The following AUTS2 variants were observed in gnomAD, a reference collection of about 807,000 sequenced individuals.
AUTS2 encodes the protein autism susceptibility gene 2 protein.
Under a neutral mutation model 112.4 loss-of-function variants are expected in AUTS2, and 17 were observed. The observed-to-expected ratio is 0.15, with a 90% CI of 0.10 to 0.23. The LOEUF (loss-of-function observed/expected upper bound fraction) is 0.23. AUTS2 is among the 10% of genes least tolerant of loss of function. AUTS2 has a pLI of 1.00. For synonymous variants in AUTS2, 751 were observed against 702.7 expected (o/e 1.07, Z -1.09); for missense variants, 1,510 against 1,701.6 (o/e 0.89, Z 1.98).
chr7:69,845,440 G>T (rs886479961), intron 1 of AUTS2, among the ~76,000 whole-genome samples: 2 of 152,066 alleles, frequency 1.3e-5, no homozygotes, highest in African/African-American at 4.8e-5. Flanking sequence ...AGAAACTTGG[G>T]GCTCTATTTT....
chr7:70,103,885 G>A (rs1434258130), intron 2 of AUTS2, among the ~76,000 whole-genome samples: 2 of 151,360 alleles, frequency 1.3e-5, no homozygotes, highest in Non-Finnish European at 1.5e-5. Flanking sequence ...ACTCCAGCCT[G>A]GGCAACAGAG....
chr7:70,508,105 C>A (rs1585232234), intron 5 of AUTS2, among the ~76,000 whole-genome samples: 2 of 152,162 alleles, frequency 1.3e-5, no homozygotes, highest in South Asian at 4.1e-4. Context: ...TGTGCAATTC[C>A]ATGGGGGTAG....
chr7:69,940,645 A>T (rs1405472379), intron 2 of AUTS2, among the ~76,000 whole-genome samples: 1 of 152,192 alleles, frequency 6.6e-6, no homozygotes, highest in Non-Finnish European at 1.5e-5. Context: ...CATGGGTATA[A>T]CATGATGAGA....
chr7:69,830,442 T>C (rs1401334482), intron 1 of AUTS2, among the ~76,000 whole-genome samples: 2 of 152,188 alleles, frequency 1.3e-5, no homozygotes, highest in African/African-American at 4.8e-5. Flanking sequence ...AAATTCAGTA[T>C]GTTTTCTTGT....
At chr7:69,740,271 C>A (rs1331016221) in intron 1 of AUTS2, among the ~76,000 whole-genome samples, 1 of 152,262 alleles carries the variant, frequency 6.6e-6, no homozygotes, top group Non-Finnish European at 1.5e-5. Context: ...GAAGTGTGAC[C>A]AGCGTCATTT....
intron 2 of AUTS2, among the ~76,000 whole-genome samples, chr7:69,957,264 T>G (rs1427482662): frequency 6.6e-6 from 1 of 151,722 alleles, no homozygotes; most frequent in African/African-American, 2.4e-5. Context: ...ATGACAGAGT[T>G]GACTTTTTTG....
At chr7:70,465,853 G>A (rs562377932) in intron 5 of AUTS2, among the ~76,000 whole-genome samples, 29 of 152,316 alleles carry the variant, frequency 1.9e-4, no homozygotes, top group South Asian at 4.1e-4. Context: ...AAGTGGGCAG[G>A]AGGGGTTCCA....
chr7:70,534,585 C>T (rs145857323), intron 5 of AUTS2, among the ~76,000 whole-genome samples: 108 of 152,228 alleles, frequency 7.1e-4, no homozygotes, highest in African/African-American at 2.3e-3. Flanking sequence ...TGCCACTATG[C>T]CCAGCTAATT....
At chr7:70,572,064 A>G (rs1382190363) in intron 5 of AUTS2, among the ~76,000 whole-genome samples, 1 of 152,210 alleles carries the variant, frequency 6.6e-6, no homozygotes, top group African/African-American at 2.4e-5. Context: ...ATTCAGGCAT[A>G]TGATGGGGAG....
chr7:70,259,041 A>G (rs1562828424), intron 4 of AUTS2, among the ~76,000 whole-genome samples: 1 of 152,076 alleles, frequency 6.6e-6, no homozygotes, highest in South Asian at 2.1e-4. Context: ...ACTCACTTTG[A>G]CCTCTGATGC....
intron 2 of AUTS2, among the ~76,000 whole-genome samples, chr7:70,105,090 C>G (rs1804698365): frequency 6.6e-6 from 1 of 152,182 alleles, no homozygotes; most frequent in South Asian, 2.1e-4. Context: ...GCTATACAGA[C>G]TACTGCTGGC....
intron 5 of AUTS2, among the ~76,000 whole-genome samples, chr7:70,448,601 C>A (rs7799096): frequency 0.25 from 38,570 of 152,060 alleles, 5,372 homozygotes; most frequent in African/African-American, 0.37. Flanking sequence ...AGTCATGGAA[C>A]AGTAATTATT....
intron 4 of AUTS2, among the ~76,000 whole-genome samples, chr7:70,428,179 A>T (rs1795508954): frequency 6.6e-6 from 1 of 152,214 alleles, no homozygotes; most frequent in African/African-American, 2.4e-5. Flanking sequence ...TTAAAAATTT[A>T]AAAATTTCTA....
At chr7:70,012,837 T>C (rs1799866104) in intron 2 of AUTS2, among the ~76,000 whole-genome samples, 1 of 152,234 alleles carries the variant, frequency 6.6e-6, no homozygotes. Context: ...ATTTATAATT[T>C]ATTTCTCTTA....
At chr7:69,662,987 C>T (rs2129145173) in intron 1 of AUTS2, among the ~76,000 whole-genome samples, 1 of 152,240 alleles carries the variant, frequency 6.6e-6, no homozygotes. Flanking sequence ...TTGCTTTTTA[C>T]AAGTGGATGT....
At chr7:70,027,019 C>T (rs1451842944) in intron 2 of AUTS2, among the ~76,000 whole-genome samples, 1 of 151,770 alleles carries the variant, frequency 6.6e-6, no homozygotes, top group Non-Finnish European at 1.5e-5. Context: ...TAAAGTGTGA[C>T]ATATTCAGTA....
intron 4 of AUTS2, among the ~76,000 whole-genome samples, chr7:70,164,572 G>T (rs1381038792): frequency 6.6e-6 from 1 of 152,124 alleles, no homozygotes; most frequent in African/African-American, 2.4e-5. Flanking sequence ...TAGACCCTCA[G>T]TTGGCCTCTG....
intron 1 of AUTS2, among the ~76,000 whole-genome samples, chr7:69,833,615 A>G: frequency 6.6e-6 from 1 of 151,984 alleles, no homozygotes; most frequent in East Asian, 1.9e-4. Flanking sequence ...TTGTACTTTT[A>G]TTAGAGTCGG....
intron 1 of AUTS2, among the ~76,000 whole-genome samples, chr7:69,743,626 C>T (rs1257795675): frequency 6.6e-6 from 1 of 152,102 alleles, no homozygotes; most frequent in Admixed American, 6.5e-5. Flanking sequence ...TATCTCTTTC[C>T]CAGTCAGTCT....
Sources: gnomAD v4.1 joint callset for allele counts (sites outside exome capture counted in the v4.1 genomes callset) on GRCh38, gnomAD v4.1.1 for gene constraint, MANE v1.5 for transcripts, NCBI Gene and HGNC (gene_info 2026-07-23, HGNC 2026-07-21) for gene names.